Variants in KLHL8 observed in about 807,000 individuals in gnomAD.
The protein encoded by KLHL8 is kelch-like protein 8.
A neutral mutation model predicts 63.5 loss-of-function variants in KLHL8; 38 were observed. The ratio of observed to expected loss-of-function variants is 0.60; its 90% confidence interval spans 0.46 to 0.78. The LOEUF is 0.78. Among genes scored for constraint, KLHL8 ranks in the 30% least tolerant of loss-of-function variants. The pLI, the probability that KLHL8 is intolerant of heterozygous loss-of-function variation, is 0.00. For synonymous variants in KLHL8, 224 were observed against 254.3 expected (o/e 0.88, Z 1.13); for missense variants, 566 against 752.4 (o/e 0.75, Z 2.90).
At position 87,176,832 on chromosome 4, in the gene KLHL8, T is replaced by A; in HGVS notation, c.1133A>T (p.Glu378Val). Residue 378 changes from glutamate (E) to valine (V), a missense_variant, in exon 6 of 10, where the codon GAA becomes GTA. Physicochemically the swap from Glu to Val is moderately radical, Grantham distance 121. Transcript: ENST00000273963. ...AAACATCTCCATACTCCCTAAATGT[T>A]CATTTCCATCATGTCCACCTACTGC... Reference protein sequence around the residue: ...VYAVGGHDGNEHLGSMEMFDP... With the variant: ...VYAVGGHDGNVHLGSMEMFDP... The A allele has an allele frequency of 6.2e-7, 1 of 1,607,166 alleles. No individual in the cohort carries two copies. The highest frequency in any genetic ancestry group is 8.5e-7 in the Non-Finnish European group (1 of 1,176,824).
chr4:87,168,065 T>C (rs959131476), intron 8 of KLHL8, among the ~76,000 whole-genome samples: 1 of 152,180 alleles, frequency 6.6e-6, no homozygotes, highest in African/African-American at 2.4e-5. Context: ...ACCTTTATGG[T>C]TAAAGGGGGA....
At chr4:87,200,154 A>AAAAAAAG (rs1560708730) in intron 1 of KLHL8, among the ~76,000 whole-genome samples, 13 of 149,310 alleles carry the variant, frequency 8.7e-5, no homozygotes, top group Non-Finnish European at 1.0e-4. Flanking sequence ...AAAAAAAAAA[A>AAAAAAAG]AAAAAAGAAA....
intron 2 of KLHL8, among the ~76,000 whole-genome samples, chr4:87,189,714 A>G (rs1477277270): frequency 6.6e-6 from 1 of 152,066 alleles, no homozygotes; most frequent in Admixed American, 6.6e-5. Context: ...TTTGTAAACT[A>G]TCTCCACTTC....
At chr4:87,186,741 A>G (rs1444635016) in intron 2 of KLHL8, among the ~76,000 whole-genome samples, 1 of 152,100 alleles carries the variant, frequency 6.6e-6, no homozygotes, top group African/African-American at 2.4e-5. Context: ...TGGCCTCCCA[A>G]AGTGCTAGGA....
At position 87,170,074 on chromosome 4, in the gene KLHL8, C is replaced by T; in HGVS notation, c.1537+5G>A. 6.2e-7 allele frequency: 1 copy of T among 1,610,992 alleles called. No individual in the cohort carries two copies. The highest frequency in any genetic ancestry group is 1.3e-5 in the African/African-American group (1 of 74,912). The stretch of plus-strand genomic sequence containing the variant: ...GATATATTAGAGAAATACCCATTTA[C>T]TCACCAACTACGTATAAGCAACCAT... On this transcript the variant is annotated splice_donor_5th_base_variant and intron_variant, in intron 8 of 9. Transcript: ENST00000273963.
chr4:87,181,951 G>A (rs900446803), intron 4 of KLHL8, among the ~76,000 whole-genome samples: 1 of 151,918 alleles, frequency 6.6e-6, no homozygotes, highest in East Asian at 1.9e-4. Flanking sequence ...TTCTTGGGCC[G>A]GGCGCGATGA....
chr4:87,233,895 A>C (rs1014301506), intron 1 of KLHL8, among the ~76,000 whole-genome samples: 2 of 152,156 alleles, frequency 1.3e-5, no homozygotes, highest in Non-Finnish European at 2.9e-5. Flanking sequence ...TTCAGGCTAA[A>C]TGTATCTTTT....
chr4:87,195,569 C>T lies in KLHL8; in HGVS notation c.-30G>A. The T allele has an allele frequency of 1.3e-6, 2 of 1,559,638 alleles. No individual in the cohort carries two copies. Among genetic ancestry groups the T allele is most frequent in the East Asian group, 4.5e-5 (2 of 44,540 alleles). ...AATATTCCTCTTTTAATAGAGCTCTCTTCTCAAACATGCCATTTATTTTTT... is the reference window on the plus strand; with the variant it reads ...AATATTCCTCTTTTAATAGAGCTCTTTTCTCAAACATGCCATTTATTTTTT... On this transcript the variant is annotated 5_prime_UTR_variant, in exon 2 of 10. Coordinates refer to ENST00000273963, the MANE Select transcript of KLHL8 (RefSeq NM_020803.5).
chr4:87,208,138 G>A, intron 1 of KLHL8: 2 of 425,574 alleles, frequency 4.7e-6, no homozygotes, highest in South Asian at 3.7e-5. Context: ...GGAAGAGAGA[G>A]GTCGTCACTG....
intron 1 of KLHL8, among the ~76,000 whole-genome samples, chr4:87,201,630 A>G (rs998045091): frequency 6.6e-6 from 1 of 152,202 alleles, no homozygotes; most frequent in Non-Finnish European, 1.5e-5. Flanking sequence ...TCCTGAGTCA[A>G]TAAACAACCC....
chr4:87,194,860 A>G (rs1268852440), intron 2 of KLHL8, among the ~76,000 whole-genome samples: 1 of 152,210 alleles, frequency 6.6e-6, no homozygotes, highest in African/African-American at 2.4e-5. Flanking sequence ...AGATGGTAAC[A>G]ATGAAGTAGA....
intron 6 of KLHL8, among the ~76,000 whole-genome samples, chr4:87,171,835 A>T (rs1357556522): frequency 6.6e-6 from 1 of 152,094 alleles, no homozygotes; most frequent in Admixed American, 6.6e-5. Context: ...GTCACTCTAC[A>T]CTTTCTCTCC....
intron 1 of KLHL8, among the ~76,000 whole-genome samples, chr4:87,212,976 C>T (rs1032188422): frequency 3.9e-5 from 6 of 152,170 alleles, no homozygotes; most frequent in East Asian, 1.9e-4. Flanking sequence ...AAATGACACA[C>T]GCAATATTAG....
intron 1 of KLHL8, among the ~76,000 whole-genome samples, chr4:87,218,697 C>A (rs554762913): frequency 6.6e-6 from 1 of 152,090 alleles, no homozygotes; most frequent in Non-Finnish European, 1.5e-5. Context: ...AATGATGAAG[C>A]TAAGTGCTCA....
At chr4:87,198,245 G>A (rs376483975) in intron 1 of KLHL8, among the ~76,000 whole-genome samples, 32 of 152,196 alleles carry the variant, frequency 2.1e-4, no homozygotes, top group Middle Eastern at 3.4e-3. Context: ...ACTTGAACCC[G>A]GGAGGCGGAG....
intron 1 of KLHL8, among the ~76,000 whole-genome samples, chr4:87,225,870 T>C (rs1732964078): frequency 6.6e-6 from 1 of 152,190 alleles, no homozygotes; most frequent in African/African-American, 2.4e-5. Context: ...TTTGTTTTCA[T>C]TTTTAGCATT....
chr4:87,181,582 T>A (rs1387290109), intron 4 of KLHL8, among the ~76,000 whole-genome samples: 1 of 151,152 alleles, frequency 6.6e-6, no homozygotes, highest in East Asian at 1.9e-4. Flanking sequence ...CATAGGAACA[T>A]CGTATGGAAG....
intron 1 of KLHL8, among the ~76,000 whole-genome samples, chr4:87,230,095 C>T (rs571314242): frequency 6.6e-6 from 1 of 152,102 alleles, no homozygotes; most frequent in Non-Finnish European, 1.5e-5. Flanking sequence ...TGGACAGATT[C>T]TAGAGGCAGC....
intron 1 of KLHL8, among the ~76,000 whole-genome samples, chr4:87,230,778 C>A (rs34422965): frequency 0.077 from 11,694 of 152,220 alleles, 624 homozygotes; most frequent in Non-Finnish European, 0.12. Context: ...AATTCCTGCC[C>A]CTCACTTTTT....
Sources: allele counts gnomAD v4.1 joint callset (sites outside exome capture counted in the v4.1 genomes callset), GRCh38; gene constraint gnomAD v4.1.1; transcripts MANE v1.5; gene names NCBI Gene and HGNC (gene_info 2026-07-23, HGNC 2026-07-21).